NDST3: variants seen among roughly 807,000 people sequenced by gnomAD.
NDST3 encodes the protein N-deacetylase and N-sulfotransferase 3, also known as bifunctional heparan sulfate N-deacetylase/N-sulfotransferase 3.
Under a neutral mutation model 96.1 loss-of-function variants are expected in NDST3, and 58 were observed. That is an observed-to-expected ratio of 0.60 (90% CI 0.49 to 0.75). The LOEUF is 0.75. Ranked by LOEUF, NDST3 falls within the 30% of genes least tolerant of loss-of-function variation. NDST3 has a pLI of 0.00. For missense variants in NDST3, 788 were observed against 1,034.2 expected (o/e 0.76, Z 3.27); for synonymous variants, 333 against 359.7 (o/e 0.93, Z 0.84).
chr4:118,099,336 A>G (rs747177879), intron 2 of NDST3, among the ~76,000 whole-genome samples: 1 of 152,128 alleles, frequency 6.6e-6, no homozygotes, highest in Non-Finnish European at 1.5e-5. Context: ...AGGCAATTTA[A>G]CAAGAGCGAA....
chr4:118,103,326 G>A (rs1455717093), intron 2 of NDST3, among the ~76,000 whole-genome samples: 1 of 151,962 alleles, frequency 6.6e-6, no homozygotes, highest in African/African-American at 2.4e-5. Flanking sequence ...GGAAAAAGAA[G>A]AAAGATATGA....
At chr4:118,161,941 C>G (rs1015001284) in intron 6 of NDST3, among the ~76,000 whole-genome samples, 2 of 152,148 alleles carry the variant, frequency 1.3e-5, no homozygotes, top group African/African-American at 4.8e-5. Flanking sequence ...AGATGAAATG[C>G]AGAAATCACC....
At chr4:118,138,032 A>G (rs2125899323) in intron 4 of NDST3, 22 bp from the exon 5 acceptor site, 1 of 1,563,602 alleles carries the variant, frequency 6.4e-7, no homozygotes, top group East Asian at 2.3e-5. Context: ...ACACGCTCCA[A>G]TTAACATTTG....
At chr4:118,115,361 G>A (rs955076525) in intron 4 of NDST3, among the ~76,000 whole-genome samples, 11 of 152,156 alleles carry the variant, frequency 7.2e-5, no homozygotes, top group African/African-American at 2.7e-4. Flanking sequence ...ACAGTTCAAA[G>A]AAATAAGTAT....
At chr4:118,248,168 T>C (rs999621036) in intron 12 of NDST3, among the ~76,000 whole-genome samples, 1 of 152,036 alleles carries the variant, frequency 6.6e-6, no homozygotes, top group African/African-American at 2.4e-5. Context: ...CTAACCAATA[T>C]GGTGGAACCC....
chr4:118,060,812 T>C (rs1725833561), intron 2 of NDST3, among the ~76,000 whole-genome samples: 1 of 152,146 alleles, frequency 6.6e-6, no homozygotes, highest in Non-Finnish European at 1.5e-5. Context: ...AGGTACAAAG[T>C]TCTTTATCTC....
At chr4:118,081,297 AT>A (rs1727989706) in intron 2 of NDST3, among the ~76,000 whole-genome samples, 2 of 152,116 alleles carry the variant, frequency 1.3e-5, no homozygotes, top group South Asian at 4.1e-4. Flanking sequence ...AATACACTAT[AT>A]TTTTATGCAA....
chr4:118,113,862 A>G (rs780096363), intron 3 of NDST3, among the ~76,000 whole-genome samples: 5 of 152,188 alleles, frequency 3.3e-5, no homozygotes, highest in Non-Finnish European at 5.9e-5. Flanking sequence ...GACTAGTATT[A>G]TGATATTCCA....
At chr4:118,251,325 A>G (rs1560747893) in intron 12 of NDST3, among the ~76,000 whole-genome samples, 1 of 151,404 alleles carries the variant, frequency 6.6e-6, no homozygotes. Flanking sequence ...ATGGGGTTTC[A>G]CTGTGTTAGC....
At chr4:118,095,748 G>T (rs528419806) in intron 2 of NDST3, among the ~76,000 whole-genome samples, 4 of 151,726 alleles carry the variant, frequency 2.6e-5, no homozygotes, top group African/African-American at 9.7e-5. Context: ...TCCCTACACT[G>T]GCAACCACCA....
intron 6 of NDST3, among the ~76,000 whole-genome samples, chr4:118,200,784 T>C (rs1160250114): frequency 6.6e-6 from 1 of 151,484 alleles, no homozygotes; most frequent in African/African-American, 2.4e-5. Flanking sequence ...TTTTCTTTTC[T>C]TTTTTTTTAA....
chr4:118,062,536 C>G (rs1433791066), intron 2 of NDST3, among the ~76,000 whole-genome samples: 1 of 151,980 alleles, frequency 6.6e-6, no homozygotes, highest in Non-Finnish European at 1.5e-5. Context: ...ATTAAAAATA[C>G]ACAGGAAAAT....
chr4:118,057,464 T>A (rs1336179349), intron 2 of NDST3, among the ~76,000 whole-genome samples: 3 of 151,508 alleles, frequency 2.0e-5, no homozygotes, highest in African/African-American at 7.3e-5. Flanking sequence ...AGGGAAAAAA[T>A]TTAGAGTGAT....
chr4:118,191,138 A>C (rs1300398154), intron 6 of NDST3, among the ~76,000 whole-genome samples: 7 of 152,230 alleles, frequency 4.6e-5, no homozygotes, highest in Non-Finnish European at 5.9e-5. Context: ...GTGAAGCAAG[A>C]AAATTTCTAT....
intron 6 of NDST3, chr4:118,193,824 C>A: frequency 2.8e-6 from 4 of 1,433,444 alleles, no homozygotes; most frequent in South Asian, 2.5e-5. Flanking sequence ...AGGTAAGAGG[C>A]CAGTTGAAGG....
At chr4:118,229,196 G>A (rs1014729172) in intron 8 of NDST3, among the ~76,000 whole-genome samples, 30 of 152,202 alleles carry the variant, frequency 2.0e-4, no homozygotes, top group African/African-American at 5.8e-4. Flanking sequence ...AGGTACTCAG[G>A]AGGCTGAGAC....
At chr4:118,115,483 A>T (rs939398812) in intron 4 of NDST3, among the ~76,000 whole-genome samples, 3 of 152,196 alleles carry the variant, frequency 2.0e-5, no homozygotes, top group Admixed American at 6.5e-5. Flanking sequence ...AGGCTGAGGG[A>T]AAAGAGCAGG....
At chr4:118,071,574 G>T (rs185056025) in intron 2 of NDST3, among the ~76,000 whole-genome samples, 6 of 152,024 alleles carry the variant, frequency 3.9e-5, no homozygotes, top group African/African-American at 1.4e-4. Flanking sequence ...CATCCATTGG[G>T]GTGTTCTACA....
chr4:118,085,720 T>C (rs2125823882), intron 2 of NDST3, among the ~76,000 whole-genome samples: 1 of 152,338 alleles, frequency 6.6e-6, no homozygotes, highest in East Asian at 1.9e-4. Flanking sequence ...ATTTGTTTTT[T>C]GCTTGCTTTG....
Sources: gnomAD v4.1 joint callset for allele counts (sites outside exome capture counted in the v4.1 genomes callset) on GRCh38, gnomAD v4.1.1 for gene constraint, MANE v1.5 for transcripts, NCBI Gene and HGNC (gene_info 2026-07-23, HGNC 2026-07-21) for gene names.